The following AK5 variants were observed in gnomAD, a reference collection of about 807,000 sequenced individuals.
AK5 encodes adenylate kinase 5, also known as adenylate kinase isoenzyme 5.
Under a neutral mutation model 69.5 loss-of-function variants are expected in AK5, and 27 were observed. The ratio of observed to expected loss-of-function variants is 0.39; its 90% confidence interval spans 0.29 to 0.54. The LOEUF (loss-of-function observed/expected upper bound fraction) is 0.54, where lower values mean the gene tolerates loss of function less well. AK5 is among the 20% of genes least tolerant of loss of function. The pLI, the probability that AK5 is intolerant of heterozygous loss-of-function variation, is 0.71. For synonymous variants in AK5, 260 were observed against 244.4 expected (o/e 1.06, Z -0.60); for missense variants, 531 against 700.4 (o/e 0.76, Z 2.73).
At chr1:77,400,425 ATAAAT>A (rs926679302) in intron 6 of AK5, among the ~76,000 whole-genome samples, 1 of 152,222 alleles carries the variant, frequency 6.6e-6, no homozygotes, top group African/African-American at 2.4e-5. Context: ...AATCCAAGTG[ATAAAT>A]TAAAATTGAT....
chr1:77,487,340 G>A (rs1655669129), intron 10 of AK5, among the ~76,000 whole-genome samples: 1 of 152,100 alleles, frequency 6.6e-6, no homozygotes, highest in South Asian at 2.1e-4. Flanking sequence ...TTTCCTCATG[G>A]AAATAAAGGG....
chr1:77,320,928 T>A (rs899411072), intron 5 of AK5, among the ~76,000 whole-genome samples: 5 of 152,100 alleles, frequency 3.3e-5, no homozygotes, highest in African/African-American at 1.2e-4. Context: ...AATAAAAAGT[T>A]TCAATATCCA....
chr1:77,297,467 C>CA, intron 3 of AK5, 92 bp from the exon 4 acceptor site: 1 of 1,241,926 alleles, frequency 8.1e-7, no homozygotes, highest in South Asian at 1.6e-5. Flanking sequence ...CTTGGTGACA[C>CA]AGAATTTGCA....
intron 5 of AK5, among the ~76,000 whole-genome samples, chr1:77,301,260 C>T (rs1005711358): frequency 6.6e-6 from 1 of 152,110 alleles, no homozygotes; most frequent in African/African-American, 2.4e-5. Flanking sequence ...TCACTGGCCG[C>T]GTGGTTGAAA....
chr1:77,385,653 A>G (rs1647973592), intron 6 of AK5, among the ~76,000 whole-genome samples: 1 of 152,202 alleles, frequency 6.6e-6, no homozygotes, highest in Non-Finnish European at 1.5e-5. Context: ...CAATATACAC[A>G]ACAAAAAGCA....
intron 7 of AK5, among the ~76,000 whole-genome samples, chr1:77,416,337 G>A (rs759187196): frequency 2.9e-4 from 44 of 152,108 alleles, no homozygotes; most frequent in African/African-American, 9.9e-4. Flanking sequence ...CAGTGGTCTG[G>A]CAAGGGCTGT....
intron 10 of AK5, among the ~76,000 whole-genome samples, chr1:77,499,246 C>G (rs1656548154): frequency 6.6e-6 from 1 of 152,178 alleles, no homozygotes; most frequent in African/African-American, 2.4e-5. Context: ...CAAATGAAAA[C>G]ATATTTAAAC....
intron 8 of AK5, among the ~76,000 whole-genome samples, chr1:77,475,455 CAAATATATATTATATAT>C (rs2100705802): frequency 2.3e-4 from 1 of 4,264 alleles, no homozygotes; most frequent in Middle Eastern, 0.056. Context: ...TATATATATA[CAAATATATATTATATAT>C]GTATATATAT....
At chr1:77,303,162 A>G (rs1659436635) in intron 5 of AK5, among the ~76,000 whole-genome samples, 1 of 152,182 alleles carries the variant, frequency 6.6e-6, no homozygotes, top group Admixed American at 6.5e-5. Context: ...AGGGGAGGAC[A>G]GTTTTAGTCC....
chr1:77,345,232 G>C (rs1661855452), intron 6 of AK5, among the ~76,000 whole-genome samples: 1 of 152,148 alleles, frequency 6.6e-6, no homozygotes, highest in Non-Finnish European at 1.5e-5. Flanking sequence ...ACTTTTTGTA[G>C]GAGTATAACT....
chr1:77,524,230 T>C (rs1348292253), intron 12 of AK5, among the ~76,000 whole-genome samples: 1 of 152,240 alleles, frequency 6.6e-6, no homozygotes, highest in Non-Finnish European at 1.5e-5. Context: ...TTGTGAATAA[T>C]GTTGCCATGA....
At chr1:77,533,524 A>C (rs898764660) in intron 12 of AK5, among the ~76,000 whole-genome samples, 25 of 151,524 alleles carry the variant, frequency 1.6e-4, no homozygotes, top group South Asian at 6.2e-4. Flanking sequence ...AAAAAAAAAA[A>C]AAAAAAAAAA....
At chr1:77,425,262 A>C (rs1651121685) in intron 8 of AK5, among the ~76,000 whole-genome samples, 1 of 152,222 alleles carries the variant, frequency 6.6e-6, no homozygotes, top group Admixed American at 6.5e-5. Flanking sequence ...GCCTGGCAAG[A>C]AATGTTAAAA....
rs565499598 is a variant in AK5, at chr1:77,285,524, G to C, written c.61-1417G>C. The stretch of plus-strand genomic sequence containing the variant: ...TTTAAACAGATGTCAGCCCTTCAAA[G>C]GGTGTTTTGTATACTAACAATGTAT... On this transcript the variant is annotated intron_variant, in intron 1 of 13. Transcript: ENST00000354567. 1.1e-4 allele frequency among the ~76,000 whole-genome samples: 16 copies of C among 152,316 alleles called. No individual in the cohort carries two copies. The South Asian group carries it at 1.9e-3, about 18-fold the overall frequency.
chr1:77,398,507 T>C (rs1244799505), intron 6 of AK5, among the ~76,000 whole-genome samples: 1 of 150,814 alleles, frequency 6.6e-6, no homozygotes, highest in Non-Finnish European at 1.5e-5. Context: ...ATTGCTGGAA[T>C]GCTGGGAGGA....
At chr1:77,297,068 T>C (rs75709806) in intron 3 of AK5, among the ~76,000 whole-genome samples, 7,638 of 152,184 alleles carry the variant, frequency 0.05, 230 homozygotes, top group South Asian at 0.094. Flanking sequence ...TGAGCAAACA[T>C]TTCAAAAAAG....
chr1:77,422,512 T>G (rs531272708), intron 8 of AK5, among the ~76,000 whole-genome samples: 1 of 152,314 alleles, frequency 6.6e-6, no homozygotes, highest in Non-Finnish European at 1.5e-5. Flanking sequence ...AAAGCCATTC[T>G]CAGGTCCCTC....
intron 5 of AK5, among the ~76,000 whole-genome samples, chr1:77,321,464 C>A (rs1447771641): frequency 6.6e-6 from 1 of 151,386 alleles, no homozygotes; most frequent in Non-Finnish European, 1.5e-5. Flanking sequence ...TAGAGCGAGA[C>A]TCCGTCTCAA....
At chr1:77,284,947 A>G (rs964279277) in intron 1 of AK5, among the ~76,000 whole-genome samples, 8 of 147,310 alleles carry the variant, frequency 5.4e-5, no homozygotes, top group Admixed American at 6.7e-5. Context: ...AGGCAATAGT[A>G]GGGATAAAAA....
Sources: gnomAD v4.1 joint callset for allele counts (sites outside exome capture counted in the v4.1 genomes callset) on GRCh38, gnomAD v4.1.1 for gene constraint, MANE v1.5 for transcripts, NCBI Gene and HGNC (gene_info 2026-07-23, HGNC 2026-07-21) for gene names.